Variants in FSHR observed in about 807,000 individuals in gnomAD.
FSHR encodes follicle-stimulating hormone receptor.
A neutral mutation model predicts 52.1 loss-of-function variants in FSHR; 46 were observed. The observed-to-expected ratio is 0.88, with a 90% CI of 0.70 to 1.13. The LOEUF (loss-of-function observed/expected upper bound fraction) is 1.13, where lower values mean the gene tolerates loss of function less well. FSHR is among the 50% of genes most tolerant of loss of function. The pLI, the probability that FSHR is intolerant of heterozygous loss-of-function variation, is 0.00. For missense variants in FSHR, 964 were observed against 834.6 expected, an observed-to-expected ratio of 1.16 and a Z score of -1.91; for synonymous variants, 399 against 309.6, an observed-to-expected ratio of 1.29 and a Z score of -3.03.
At chr2:49,038,450 T>C (rs1402010163) in intron 2 of FSHR, among the ~76,000 whole-genome samples, 2 of 151,226 alleles carry the variant, frequency 1.3e-5, no homozygotes, top group African/African-American at 4.8e-5. Context: ...TGAAACCCCG[T>C]CTCTACTAAA....
intron 1 of FSHR, among the ~76,000 whole-genome samples, chr2:49,084,660 G>A (rs1188579440): frequency 6.6e-6 from 1 of 152,114 alleles, no homozygotes; most frequent in East Asian, 1.9e-4. Context: ...TGATAAAGGG[G>A]ATATCATCAC....
chr2:48,972,852 T>A (rs1224544022), intron 8 of FSHR, among the ~76,000 whole-genome samples: 1 of 152,204 alleles, frequency 6.6e-6, no homozygotes, highest in East Asian at 1.9e-4. Context: ...TGTCTCCCCC[T>A]TGAGTTTACA....
rs181422954 is a variant in FSHR at position 49,087,598 on chromosome 2, A to G, written c.153-19308T>C. ...TAAAAGCATGTATAGTCATGAGGCA[A>G]TTACTTGGAATGAAAACAGGATCAA... On this transcript the variant is annotated intron_variant, in intron 1 of 9. Coordinates refer to ENST00000406846, the MANE Select transcript of FSHR (RefSeq NM_000145.4). Among the ~76,000 whole-genome samples, 3 of 152,332 alleles carry G rather than the reference A, an allele frequency of 2.0e-5. No homozygotes were observed. The East Asian group carries it at 5.8e-4, about 29-fold the overall frequency.
chr2:49,087,950 G>T (rs759359661), intron 1 of FSHR, among the ~76,000 whole-genome samples: 1 of 152,154 alleles, frequency 6.6e-6, no homozygotes, highest in Non-Finnish European at 1.5e-5. Flanking sequence ...GACAGTGGTG[G>T]CATTTAGCAC....
At chr2:48,998,053 C>A (rs1467606701) in intron 4 of FSHR, among the ~76,000 whole-genome samples, 1 of 152,062 alleles carries the variant, frequency 6.6e-6, no homozygotes, top group Non-Finnish European at 1.5e-5. Flanking sequence ...TGATCAGGAT[C>A]ATACTATCAC....
chr2:48,985,798 C>G (rs1405935490), intron 6 of FSHR, among the ~76,000 whole-genome samples: 1 of 136,340 alleles, frequency 7.3e-6, no homozygotes, highest in African/African-American at 2.7e-5. Flanking sequence ...ACTGCAAGTT[C>G]CGCTTCCCGG....
chr2:49,017,417 A>G, intron 4 of FSHR, 72 bp downstream of exon 4: 2 of 1,149,566 alleles, frequency 1.7e-6, no homozygotes, highest in Non-Finnish European at 2.6e-6. Context: ...CAGAGTATCA[A>G]GTAGGCCTTT....
chr2:49,081,194 C>T (rs991421970), intron 1 of FSHR, among the ~76,000 whole-genome samples: 1 of 152,002 alleles, frequency 6.6e-6, no homozygotes, highest in African/African-American at 2.4e-5. Context: ...GTTGGCCTCA[C>T]CATTAAACAG....
At chr2:48,979,511 T>C (rs919546983) in intron 8 of FSHR, among the ~76,000 whole-genome samples, 11 of 152,114 alleles carry the variant, frequency 7.2e-5, no homozygotes, top group Non-Finnish European at 1.0e-4. Context: ...ACAGCTGAGG[T>C]GGCTCATAGC....
At chr2:49,049,261 C>T (rs1406715794) in intron 2 of FSHR, among the ~76,000 whole-genome samples, 3 of 152,100 alleles carry the variant, frequency 2.0e-5, no homozygotes, top group African/African-American at 7.2e-5. Context: ...GAAGGTCTCA[C>T]ACACAGCTTG....
rs138336625 is a variant in FSHR, at chr2:49,153,909, A to G, written c.152+357T>C. 3.3e-3 allele frequency among the ~76,000 whole-genome samples: 495 copies of G among 152,220 alleles called. 2 individuals carry two copies. Among genetic ancestry groups the G allele is most frequent in the African/African-American group, 0.011 (470 of 41,560 alleles). Reference sequence around the variant, plus strand: ...GATCAAAGCTGCCTTTCTGCCTCCAATTCTGGGTCTCCTAAGTTTCTACTT... The same window carrying G: ...GATCAAAGCTGCCTTTCTGCCTCCAGTTCTGGGTCTCCTAAGTTTCTACTT... On this transcript the variant is annotated intron_variant, in intron 1 of 9. Coordinates refer to ENST00000406846, the MANE Select transcript of FSHR (RefSeq NM_000145.4).
At chr2:49,135,181 A>G (rs1366356113) in intron 1 of FSHR, among the ~76,000 whole-genome samples, 2 of 152,160 alleles carry the variant, frequency 1.3e-5, no homozygotes, top group African/African-American at 2.4e-5. Flanking sequence ...TTAAGTTCAC[A>G]TGGAACATTC....
intron 9 of FSHR, among the ~76,000 whole-genome samples, chr2:48,968,063 T>A (rs1674559641): frequency 6.6e-6 from 1 of 152,216 alleles, no homozygotes; most frequent in Non-Finnish European, 1.5e-5. Flanking sequence ...CCAGATCCTG[T>A]CTATGATTAC....
At chr2:48,964,058 T>C in intron 9 of FSHR, 92 bp from the exon 10 acceptor site, 3 of 1,369,124 alleles carry the variant, frequency 2.2e-6, no homozygotes, top group South Asian at 1.3e-5. Flanking sequence ...ATGATGAGTT[T>C]CTTCCTGAGA....
intron 2 of FSHR, among the ~76,000 whole-genome samples, chr2:49,056,645 C>G (rs1005183038): frequency 6.6e-6 from 1 of 151,882 alleles, no homozygotes; most frequent in Admixed American, 6.6e-5. Flanking sequence ...TGGATTTAAA[C>G]TGCACCACAG....
At chr2:48,997,363 G>A in intron 4 of FSHR, 1 of 985,036 alleles carries the variant, frequency 1.0e-6, no homozygotes, top group Non-Finnish European at 1.2e-6. Flanking sequence ...TAGTAATCAG[G>A]GGAAATTTAA....
chr2:48,973,804 C>T (rs991060845), intron 8 of FSHR, among the ~76,000 whole-genome samples: 1 of 152,202 alleles, frequency 6.6e-6, no homozygotes, highest in African/African-American at 2.4e-5. Flanking sequence ...TCACCCCAGC[C>T]AACTGTGATG....
At chr2:49,053,314 CT>C (rs1033595654) in intron 2 of FSHR, among the ~76,000 whole-genome samples, 2 of 152,156 alleles carry the variant, frequency 1.3e-5, no homozygotes, top group African/African-American at 2.4e-5. Context: ...TATAAACTAG[CT>C]TTCCCCCCAC....
chr2:49,002,252 A>T (rs1666917662), intron 4 of FSHR, among the ~76,000 whole-genome samples: 1 of 152,132 alleles, frequency 6.6e-6, no homozygotes, highest in Non-Finnish European at 1.5e-5. Flanking sequence ...CAGTGCTTGC[A>T]TTTCTTCATT....
Sources: allele counts gnomAD v4.1 joint callset (sites outside exome capture counted in the v4.1 genomes callset), GRCh38; gene constraint gnomAD v4.1.1; transcripts MANE v1.5; gene names NCBI Gene and HGNC (gene_info 2026-07-23, HGNC 2026-07-21).